The following RSPH1 variants were observed in gnomAD, a reference collection of about 807,000 sequenced individuals.
RSPH1 encodes the protein radial spoke head 1 homolog.
In RSPH1, 32 loss-of-function variants were observed where a neutral mutation model predicts 44.2. The observed-to-expected ratio is 0.72, with a 90% CI of 0.55 to 0.97. The LOEUF is 0.97. Among genes scored for constraint, RSPH1 ranks in the 50% least tolerant of loss-of-function variants. The pLI is 0.00. For missense variants in RSPH1, 391 were observed against 398.7 expected, an observed-to-expected ratio of 0.98 and a Z score of 0.16; for synonymous variants, 134 against 147.3, an observed-to-expected ratio of 0.91 and a Z score of 0.65.
intron 3 of RSPH1, among the ~76,000 whole-genome samples, chr21:42,487,666 T>C (rs1345751251): frequency 6.6e-6 from 1 of 152,248 alleles, no homozygotes; most frequent in African/African-American, 2.4e-5. Flanking sequence ...ACCAACTTTA[T>C]ATTTTCTTTT....
chr21:42,491,632 GAAACA>G (rs892420818), intron 3 of RSPH1, among the ~76,000 whole-genome samples: 30 of 152,304 alleles, frequency 2.0e-4, no homozygotes, highest in African/African-American at 6.5e-4. Context: ...TGGGATTTAT[GAAACA>G]AAACAAAACA....
chr21:42,477,470 T>A, intron 6 of RSPH1, 26 bp from the exon 7 acceptor site: 1 of 1,608,442 alleles, frequency 6.2e-7, no homozygotes, highest in Non-Finnish European at 8.5e-7. Flanking sequence ...AAATGTACAT[T>A]TACCAACATT....
chr21:42,491,781 T>G (rs1017547633), intron 3 of RSPH1, among the ~76,000 whole-genome samples: 4 of 152,206 alleles, frequency 2.6e-5, no homozygotes, highest in African/African-American at 7.2e-5. Flanking sequence ...CAAGCAACTA[T>G]AGCTCGCACT....
intron 6 of RSPH1, among the ~76,000 whole-genome samples, chr21:42,479,364 G>T (rs1217254366): frequency 6.6e-6 from 1 of 152,002 alleles, no homozygotes; most frequent in Admixed American, 6.6e-5. Flanking sequence ...CAGGACTTGG[G>T]GCTTATATCA....
At chr21:42,485,530 C>T in intron 5 of RSPH1, 139 bp downstream of exon 5, 1 of 925,956 alleles carries the variant, frequency 1.1e-6, no homozygotes, top group Non-Finnish European at 1.6e-6. Flanking sequence ...AATGGCACAG[C>T]TGTCCTGTTC....
chr21:42,488,598 T>G (rs1337181493), intron 3 of RSPH1, among the ~76,000 whole-genome samples: 1 of 152,096 alleles, frequency 6.6e-6, no homozygotes, highest in Non-Finnish European at 1.5e-5. Flanking sequence ...GCAGAAAAAT[T>G]TCAAAAATAA....
intron 7 of RSPH1, among the ~76,000 whole-genome samples, chr21:42,477,026 T>C (rs1257474959): frequency 1.4e-4 from 6 of 42,318 alleles, no homozygotes; most frequent in Non-Finnish European, 2.3e-4. Context: ...CCACACCCTC[T>C]GTCCCACAGC....
chr21:42,485,532 G>C, intron 5 of RSPH1, 137 bp downstream of exon 5: 1 of 959,926 alleles, frequency 1.0e-6, no homozygotes, highest in Admixed American at 2.2e-5. Flanking sequence ...TGGCACAGCT[G>C]TCCTGTTCTC....
At chr21:42,489,975 T>G (rs2054220148) in intron 3 of RSPH1, among the ~76,000 whole-genome samples, 1 of 152,180 alleles carries the variant, frequency 6.6e-6, no homozygotes, top group Admixed American at 6.5e-5. Flanking sequence ...TTTTGATGAG[T>G]TCTGTTTGAC....
In RSPH1 at chr21:42,496,172, G is replaced by A. The variant is rs149551571; in HGVS notation, c.15C>T (p.Gly5=). 4 of 1,614,052 alleles carry A rather than the reference G, an allele frequency of 2.5e-6. No homozygotes were observed. Among genetic ancestry groups the A allele is most frequent in the African/African-American group, 2.7e-5 (2 of 74,932 alleles). The stretch of plus-strand genomic sequence containing the variant: ...CTCCCTCCTCCTCCAACTCCTCCGA[G>A]CCCAGGTCCGACATGGTCTCGCCCC... MSDL[G]SEELEEEGEN... Residue 5 remains glycine (G), a synonymous_variant, in exon 1 of 9, where the codon GGC becomes GGT. Transcript: ENST00000291536.
chr21:42,477,043 G>GA lies in RSPH1; in HGVS notation c.727+247_727+248insT, dbSNP rs1289028716. ...ACACCCTCTGTCCCACAGCCCGGGG[G>GA]TGCCCCACACCCTCTGCCCCCTCCA... On this transcript the variant is annotated intron_variant, in intron 7 of 8. Transcript: ENST00000291536. Among the ~76,000 whole-genome samples the GA allele has an allele frequency of 8.5e-4, 38 of 44,718 alleles. 1 individual carries two copies. Among genetic ancestry groups the GA allele is most frequent in the South Asian group, 1.7e-3 (2 of 1,186 alleles). 29.3% of individuals were successfully genotyped at this position (44,718 alleles called of 152,430 possible). A position where few individuals can be genotyped will look rare whatever the true frequency, so the allele number is the denominator to read the frequency against.
At chr21:42,495,432 C>T (rs2054278266) in intron 1 of RSPH1, among the ~76,000 whole-genome samples, 1 of 152,162 alleles carries the variant, frequency 6.6e-6, no homozygotes, top group Non-Finnish European at 1.5e-5. Flanking sequence ...GGTTCCCTAT[C>T]TGTCAGCCAT....
intron 6 of RSPH1, among the ~76,000 whole-genome samples, chr21:42,477,787 A>G (rs2054084556): frequency 6.6e-6 from 1 of 152,240 alleles, no homozygotes; most frequent in Non-Finnish European, 1.5e-5. Context: ...GAACTGAGTG[A>G]CCAGGAGTAA....
intron 6 of RSPH1, 143 bp from the exon 7 acceptor site, chr21:42,477,587 G>A (rs1445292715): frequency 4.4e-5 from 34 of 774,246 alleles, no homozygotes; most frequent in Non-Finnish European, 5.3e-5. Flanking sequence ...TCAGGAATCA[G>A]ACCAGTTGCT....
At chr21:42,476,963 T>C (rs866624026) in intron 7 of RSPH1, among the ~76,000 whole-genome samples, 163 of 147,504 alleles carry the variant, frequency 1.1e-3, no homozygotes, top group South Asian at 6.7e-3. Flanking sequence ...ACACCCTCCA[T>C]CCCACAGCCT....
At chr21:42,473,319 C>T (rs554819684) in intron 8 of RSPH1, among the ~76,000 whole-genome samples, 11 of 152,058 alleles carry the variant, frequency 7.2e-5, no homozygotes, top group Admixed American at 6.5e-4. Flanking sequence ...GGTGAAACCC[C>T]GTCTCAACTA....
intron 6 of RSPH1, among the ~76,000 whole-genome samples, chr21:42,478,948 A>G (rs1294024691): frequency 1.3e-5 from 2 of 152,202 alleles, no homozygotes; most frequent in Admixed American, 1.3e-4. Flanking sequence ...AGTAGATTAA[A>G]AGCTATCAGG....
intron 8 of RSPH1, among the ~76,000 whole-genome samples, chr21:42,475,261 A>G (rs1051110329): frequency 1.3e-5 from 2 of 152,090 alleles, no homozygotes; most frequent in Non-Finnish European, 2.9e-5. Context: ...TCCCGACACC[A>G]CTAGTCTGAA....
At chr21:42,487,730 A>G (rs2054194357) in intron 3 of RSPH1, among the ~76,000 whole-genome samples, 1 of 152,202 alleles carries the variant, frequency 6.6e-6, no homozygotes, top group Admixed American at 6.5e-5. Flanking sequence ...CAAAAACTGG[A>G]CCCACTTCCA....
Sources: allele counts gnomAD v4.1 joint callset (sites outside exome capture counted in the v4.1 genomes callset), GRCh38; gene constraint gnomAD v4.1.1; transcripts MANE v1.5; gene names NCBI Gene and HGNC (gene_info 2026-07-23, HGNC 2026-07-21).